The following P2RY8 variants were observed in gnomAD, a reference collection of about 807,000 sequenced individuals.
P2RY8 encodes the protein S-geranylgeranyl-glutathione receptor P2RY8.
Under a neutral mutation model 10.0 loss-of-function variants are expected in P2RY8, and 6 were observed. The ratio of observed to expected loss-of-function variants is 0.60; its 90% CI spans 0.33 to 1.19. The LOEUF is 1.19. Among genes scored for constraint, P2RY8 ranks in the 50% most tolerant of loss-of-function variants. P2RY8 has a pLI of 0.04. For missense variants in P2RY8, 456 were observed against 542.0 expected (o/e 0.84, Z 1.58); for synonymous variants, 276 against 252.5 (o/e 1.09, Z -0.88).
At chrX:1,531,700 A>C (rs73186987) in intron 1 of P2RY8, among the ~76,000 whole-genome samples, 10,720 of 152,052 alleles carry the variant, frequency 0.071, 532 homozygotes, top group Non-Finnish European at 0.1. Context: ...GCTTCCACAA[A>C]GTCCCTCTGC....
chrX:1,517,122 T>C (rs58800500), intron 1 of P2RY8, among the ~76,000 whole-genome samples: 129,586 of 150,512 alleles, frequency 0.86, 56,048 homozygotes, highest in East Asian at 1. Context: ...TAATCTTGGA[T>C]TTCCAGCCTC....
chrX:1,478,246 C>CGT (rs1389734508), intron 1 of P2RY8, among the ~76,000 whole-genome samples: 6 of 141,258 alleles, frequency 4.2e-5, no homozygotes, highest in African/African-American at 1.7e-4. Flanking sequence ...TGCTGGCAGG[C>CGT]GTATGTGTGT....
chrX:1,484,859 T>C (rs1208931743), intron 1 of P2RY8, among the ~76,000 whole-genome samples: 1 of 151,434 alleles, frequency 6.6e-6, no homozygotes, highest in African/African-American at 2.4e-5. Flanking sequence ...AAAAATCACC[T>C]GGTGTGTCCT....
intron 1 of P2RY8, among the ~76,000 whole-genome samples, chrX:1,482,071 A>T (rs767249253): frequency 6.6e-6 from 1 of 152,168 alleles, no homozygotes; most frequent in East Asian, 1.9e-4. Context: ...TTCTCAGAGT[A>T]TATAGCACGG....
chrX:1,524,437 C>CCATCCATT (rs2092416704), intron 1 of P2RY8, among the ~76,000 whole-genome samples: 1 of 120,830 alleles, frequency 8.3e-6, no homozygotes, highest in African/African-American at 3.1e-5. Flanking sequence ...ATCCATCCAT[C>CCATCCATT]CATTCATCCA....
intron 1 of P2RY8, among the ~76,000 whole-genome samples, chrX:1,504,024 A>G (rs2092205006): frequency 6.6e-6 from 1 of 152,020 alleles, no homozygotes; most frequent in Non-Finnish European, 1.5e-5. Flanking sequence ...GTCTTTAAAG[A>G]TTTGGGAATT....
intron 1 of P2RY8, among the ~76,000 whole-genome samples, chrX:1,476,513 G>C (rs1233502038): frequency 6.6e-6 from 1 of 151,782 alleles, no homozygotes; most frequent in Non-Finnish European, 1.5e-5. Flanking sequence ...CATGAACCCC[G>C]GAGGCAGAGC....
rs763815641 is a variant in P2RY8 at position 1,477,850 on chromosome X, G to C, written c.-24-11268C>G. On this transcript the variant is annotated intron_variant, in intron 1 of 1. Coordinates refer to ENST00000381297, the MANE Select transcript of P2RY8 (RefSeq NM_178129.5). ...AAAGAATGTCTGCAAGAGGCTTTCG[G>C]GGAGAGAAAAGACCCCAGGCAGATG... 2.6e-5 allele frequency among the ~76,000 whole-genome samples: 4 copies of C among 152,314 alleles called. No homozygotes were observed. In the East Asian group the frequency reaches 7.7e-4, roughly 29 times the overall value.
intron 1 of P2RY8, among the ~76,000 whole-genome samples, chrX:1,480,393 GT>G (rs10552339): frequency 1.7e-4 from 25 of 148,144 alleles, no homozygotes; most frequent in East Asian, 3.9e-4. Context: ...CGCTTCCCGG[GT>G]TTTTTTTTTT....
intron 1 of P2RY8, among the ~76,000 whole-genome samples, chrX:1,525,296 G>T (rs1289315108): frequency 6.6e-6 from 1 of 152,228 alleles, no homozygotes; most frequent in East Asian, 1.9e-4. Context: ...GATCTTTGCA[G>T]ATGGGATTAA....
intron 1 of P2RY8, among the ~76,000 whole-genome samples, chrX:1,470,376 G>A (rs1328862039): frequency 1.3e-5 from 2 of 152,082 alleles, no homozygotes; most frequent in Non-Finnish European, 2.9e-5. Flanking sequence ...TTAACCGGGT[G>A]TTGTGGCACA....
intron 1 of P2RY8, among the ~76,000 whole-genome samples, chrX:1,535,394 G>T (rs1278976996): frequency 1.3e-5 from 2 of 151,282 alleles, no homozygotes; most frequent in Non-Finnish European, 2.9e-5. Context: ...CACTATGTTG[G>T]CCAGGCTGGT....
Position 1,524,669 on chromosome X carries a change from T to TCATCCATCCATC in P2RY8, c.-25+12240_-25+12251dup, listed in dbSNP as rs1208902272. Among the ~76,000 whole-genome samples the TCATCCATCCATC allele has an allele frequency of 2.8e-3, 141 of 51,094 alleles. 17 individuals carry two copies. The highest frequency in any genetic ancestry group is 5.4e-3 in the East Asian group (6 of 1,116). The allele number at this position is 51,094 out of a possible 152,430, so 33.5% of individuals were successfully genotyped here. ...TACATCCATCCATCCATCCATCCAT[T>TCATCCATCCATC]CATCCATCCATCCATCCATCCATCC... On this transcript the variant is annotated intron_variant, in intron 1 of 1. Transcript: ENST00000381297.
intron 1 of P2RY8, among the ~76,000 whole-genome samples, chrX:1,524,741 GCATCCATCCATCCATCCATC>G (rs752476090): frequency 1.6e-5 from 1 of 61,162 alleles, no homozygotes; most frequent in Admixed American, 1.6e-4. Context: ...ATACATCCAT[GCATCCATCCATCCATCCATC>G]CATCCATCCA....
At chrX:1,524,692 TCCATCCATCCATCCAC>T (rs2092424944) in intron 1 of P2RY8, among the ~76,000 whole-genome samples, 1 of 122,168 alleles carries the variant, frequency 8.2e-6, no homozygotes, top group African/African-American at 3.0e-5. Flanking sequence ...CATCCATCCA[TCCATCCATCCATCCAC>T]TCATCCATTC....
At chrX:1,494,998 A>T (rs1255774649) in intron 1 of P2RY8, among the ~76,000 whole-genome samples, 1 of 151,806 alleles carries the variant, frequency 6.6e-6, no homozygotes, top group Admixed American at 6.6e-5. Flanking sequence ...GATTACGGGC[A>T]TGAGCCACTG....
At chrX:1,471,587 G>A (rs1166304654) in intron 1 of P2RY8, among the ~76,000 whole-genome samples, 1 of 151,862 alleles carries the variant, frequency 6.6e-6, no homozygotes, top group African/African-American at 2.4e-5. Flanking sequence ...GATGACAGGT[G>A]TGAGCCACCG....
chrX:1,507,562 G>A (rs1332064937), intron 1 of P2RY8, among the ~76,000 whole-genome samples: 1 of 152,116 alleles, frequency 6.6e-6, no homozygotes, highest in Non-Finnish European at 1.5e-5. Context: ...CAGTACTGGC[G>A]ACATACCTGT....
rs2091638410 is a variant in P2RY8, at chrX:1,464,748, C to A, written c.*731G>T. 4.3e-6 allele frequency: 1 copy of A among 233,260 alleles called. No homozygotes were observed. Among genetic ancestry groups the A allele is most frequent in the Non-Finnish European group, 8.5e-6 (1 of 118,204 alleles). The allele number at this position is 233,260 out of a possible 1,614,324, so 14.4% of individuals were successfully genotyped here. On this transcript the variant is annotated 3_prime_UTR_variant, in exon 2 of 2. Transcript: ENST00000381297. The stretch of plus-strand genomic sequence containing the variant: ...GGGGTCCCACCAAGCCAGGCCAGAA[C>A]AAATGTGCCAAAAATCACCTTGGTC...
Sources: allele counts gnomAD v4.1 joint callset (sites outside exome capture counted in the v4.1 genomes callset), GRCh38; gene constraint gnomAD v4.1.1; transcripts MANE v1.5; gene names NCBI Gene and HGNC (gene_info 2026-07-23, HGNC 2026-07-21).